Variants in GNB1 observed in about 807,000 individuals in gnomAD.
GNB1 encodes G protein subunit beta 1, also known as guanine nucleotide-binding protein G(I)/G(S)/G(T) subunit beta-1.
In GNB1, 2 loss-of-function variants were observed where a neutral mutation model predicts 42.9. The observed-to-expected ratio is 0.05, with a 90% CI of 0.02 to 0.15. GNB1 has a LOEUF of 0.15. Among genes scored for constraint, GNB1 ranks in the 10% least tolerant of loss-of-function variants. GNB1 has a pLI of 1.00. For missense variants in GNB1, 193 were observed against 462.2 expected, an observed-to-expected ratio of 0.42 and a Z score of 5.34; for synonymous variants, 183 against 174.7, an observed-to-expected ratio of 1.05 and a Z score of -0.38.
At chr1:1,805,904 C>G (rs1376473156) in intron 6 of GNB1, among the ~76,000 whole-genome samples, 2 of 152,188 alleles carry the variant, frequency 1.3e-5, no homozygotes, top group East Asian at 1.9e-4. Flanking sequence ...CCTGCCACAT[C>G]TCTCCCACTG....
intron 7 of GNB1, among the ~76,000 whole-genome samples, chr1:1,799,339 A>G (rs1219521751): frequency 6.6e-6 from 1 of 152,150 alleles, no homozygotes; most frequent in East Asian, 1.9e-4. Flanking sequence ...TCCTACTAAT[A>G]CCAGTTTTTT....
chr1:1,870,545 C>T (rs1316530498), intron 1 of GNB1, among the ~76,000 whole-genome samples: 1 of 152,208 alleles, frequency 6.6e-6, no homozygotes, highest in African/African-American at 2.4e-5. Flanking sequence ...CGCACTTTGT[C>T]TTTTCCAAAA....
At position 1,887,814 on chromosome 1, in the gene GNB1, T is replaced by C. The variant is rs367766995; in HGVS notation, c.-96+3006A>G. On this transcript the variant is annotated intron_variant, in intron 1 of 11. Transcript: ENST00000378609. Reference sequence around the variant, plus strand: ...ATTTTTAGTAGATACGAGGTTTCGCTATGTTGGCCAGACTGGTCTCAAACT... The same window carrying C: ...ATTTTTAGTAGATACGAGGTTTCGCCATGTTGGCCAGACTGGTCTCAAACT... Among the ~76,000 whole-genome samples, 4 of 152,072 alleles carry C rather than the reference T, an allele frequency of 2.6e-5. No individual in the cohort carries two copies. In the East Asian group the frequency reaches 7.7e-4, roughly 29 times the overall value.
At chr1:1,802,661 G>A (rs1035796530) in intron 7 of GNB1, among the ~76,000 whole-genome samples, 1 of 151,866 alleles carries the variant, frequency 6.6e-6, no homozygotes, top group Non-Finnish European at 1.5e-5. Flanking sequence ...CTACTCGGGA[G>A]GCTGAGGCAG....
chr1:1,785,778 C>A lies in GNB1; in HGVS notation c.*1285G>T. On this transcript the variant is annotated 3_prime_UTR_variant, in exon 12 of 12. Transcript: ENST00000378609. ...CTCTCTCCCTCCCCACCCTCAGAAT[C>A]CAACAGCAGTCGTTTGCAACAGAAC... 2 of 320,340 alleles carry A rather than the reference C, an allele frequency of 6.2e-6. No homozygotes were observed. Among genetic ancestry groups the A allele is most frequent in the Non-Finnish European group, 5.6e-6 (1 of 177,792 alleles). The allele number at this position is 320,340 out of a possible 1,614,324, so 19.8% of individuals were successfully genotyped here. A position where few individuals can be genotyped will look rare whatever the true frequency, so the allele number is the denominator to read the frequency against.
At chr1:1,836,094 A>G (rs775823883) in intron 2 of GNB1, among the ~76,000 whole-genome samples, 58 of 151,956 alleles carry the variant, frequency 3.8e-4, no homozygotes, top group Non-Finnish European at 6.3e-4. Context: ...TATTTCAAAA[A>G]AACAAAAAAC....
At chr1:1,845,703 G>A (rs1394833656) in intron 1 of GNB1, among the ~76,000 whole-genome samples, 1 of 152,114 alleles carries the variant, frequency 6.6e-6, no homozygotes, top group Non-Finnish European at 1.5e-5. Context: ...CTGGAGAAGG[G>A]AGGCACAACA....
At chr1:1,862,090 C>T (rs1014468562) in intron 1 of GNB1, among the ~76,000 whole-genome samples, 5 of 151,998 alleles carry the variant, frequency 3.3e-5, no homozygotes, top group African/African-American at 9.7e-5. Context: ...GGTGTGGTGG[C>T]GCACACCTGT....
intron 1 of GNB1, among the ~76,000 whole-genome samples, chr1:1,868,792 A>G (rs1252432515): frequency 6.6e-6 from 1 of 151,630 alleles, no homozygotes; most frequent in Non-Finnish European, 1.5e-5. Flanking sequence ...AAAAGAAAAA[A>G]AGTGAAAAAG....
intron 1 of GNB1, among the ~76,000 whole-genome samples, chr1:1,858,571 C>A (rs982916885): frequency 1.3e-5 from 2 of 152,154 alleles, no homozygotes; most frequent in Admixed American, 1.3e-4. Context: ...GTCCCCTTCT[C>A]ATGGGAACAT....
intron 1 of GNB1, among the ~76,000 whole-genome samples, chr1:1,840,234 A>G (rs1647208746): frequency 2.4e-5 from 2 of 83,144 alleles, no homozygotes; most frequent in African/African-American, 8.5e-5. Context: ...TCTCGAAAAG[A>G]AAAAAAAAAA....
chr1:1,862,403 C>A (rs1023683516), intron 1 of GNB1, among the ~76,000 whole-genome samples: 3 of 152,026 alleles, frequency 2.0e-5, no homozygotes, highest in Non-Finnish European at 4.4e-5. Flanking sequence ...AACTTCTCCC[C>A]ACACTGAGTG....
In GNB1 at chr1:1,884,306, G is replaced by A. The variant is rs148292076; in HGVS notation, c.-96+6514C>T. ...AGTAGAGATGGGGTTTCTCCATGTTGGCCAGGCTGATCCACCCTCCTCGGC... is the reference window on the plus strand; with the variant it reads ...AGTAGAGATGGGGTTTCTCCATGTTAGCCAGGCTGATCCACCCTCCTCGGC... On this transcript the variant is annotated intron_variant, in intron 1 of 11. Coordinates refer to ENST00000378609, the MANE Select transcript of GNB1 (RefSeq NM_002074.5). 5.0e-3 allele frequency among the ~76,000 whole-genome samples: 757 copies of A among 152,118 alleles called. 4 individuals carry two copies. Among genetic ancestry groups the A allele is most frequent in the African/African-American group, 0.018 (728 of 41,500 alleles).
intron 1 of GNB1, among the ~76,000 whole-genome samples, chr1:1,861,107 T>TGA (rs1648599344): frequency 2.2e-5 from 1 of 45,590 alleles, no homozygotes; most frequent in African/African-American, 5.0e-5. Context: ...AGACTCTGTC[T>TGA]CACAAAAAAA....
chr1:1,877,946 AG>A (rs1319573359), intron 1 of GNB1, among the ~76,000 whole-genome samples: 1 of 152,230 alleles, frequency 6.6e-6, no homozygotes, highest in African/African-American at 2.4e-5. Context: ...TTACTAACAT[AG>A]GAAGAGGCAA....
intron 1 of GNB1, among the ~76,000 whole-genome samples, chr1:1,866,684 G>C (rs952355163): frequency 3.3e-5 from 5 of 152,102 alleles, no homozygotes; most frequent in African/African-American, 1.2e-4. Context: ...GCCGGGCGCG[G>C]TGGCTCACGC....
At chr1:1,853,930 T>C (rs1333113935) in intron 1 of GNB1, among the ~76,000 whole-genome samples, 2 of 152,140 alleles carry the variant, frequency 1.3e-5, no homozygotes, top group Non-Finnish European at 2.9e-5. Flanking sequence ...CAATTGTTGA[T>C]AAAACATTTA....
intron 1 of GNB1, among the ~76,000 whole-genome samples, chr1:1,887,310 CAA>C (rs1650210394): frequency 6.6e-6 from 1 of 152,192 alleles, no homozygotes; most frequent in South Asian, 2.1e-4. Flanking sequence ...GTATTAGCTA[CAA>C]AAAGTCAACT....
At chr1:1,815,324 T>A (rs1206332631) in intron 5 of GNB1, among the ~76,000 whole-genome samples, 1 of 151,956 alleles carries the variant, frequency 6.6e-6, no homozygotes, top group Non-Finnish European at 1.5e-5. Context: ...TCCCTCAGGA[T>A]CCTCGGGGCA....
Sources: gnomAD v4.1 joint callset for allele counts (sites outside exome capture counted in the v4.1 genomes callset) on GRCh38, gnomAD v4.1.1 for gene constraint, MANE v1.5 for transcripts, NCBI Gene and HGNC (gene_info 2026-07-23, HGNC 2026-07-21) for gene names.